The following PHF21B variants were observed in gnomAD, a reference collection of about 807,000 sequenced individuals.
The protein encoded by PHF21B is PHD finger protein 4.
Under a neutral mutation model 62.2 loss-of-function variants are expected in PHF21B, and 22 were observed. The observed-to-expected ratio is 0.35, with a 90% CI of 0.25 to 0.51. PHF21B has a LOEUF of 0.51. PHF21B is among the 20% of genes least tolerant of loss of function. PHF21B has a pLI of 0.97. For missense variants in PHF21B, 701 were observed against 707.9 expected, an observed-to-expected ratio of 0.99 and a Z score of 0.11; for synonymous variants, 341 against 314.7, an observed-to-expected ratio of 1.08 and a Z score of -0.88.
At chr22:44,931,893 ACCGTGGGC>A (rs2071750068) in intron 2 of PHF21B, among the ~76,000 whole-genome samples, 1 of 152,136 alleles carries the variant, frequency 6.6e-6, no homozygotes, top group Admixed American at 6.5e-5. Flanking sequence ...AATCCCTCCC[ACCGTGGGC>A]CCTGCTCTCA....
At chr22:44,891,540 A>G (rs6007370) in intron 7 of PHF21B, among the ~76,000 whole-genome samples, 180 bp from the exon 8 acceptor site, 22,113 of 152,090 alleles carry the variant, frequency 0.15, 2,396 homozygotes, top group African/African-American at 0.31. Context: ...AGCACGCAGG[A>G]ATGGCTGAGG....
chr22:44,988,219 C>T (rs1463467172), intron 2 of PHF21B, among the ~76,000 whole-genome samples: 1 of 152,220 alleles, frequency 6.6e-6, no homozygotes, highest in Non-Finnish European at 1.5e-5. Flanking sequence ...AATCCCAGCA[C>T]TTTGGGAGGC....
intron 5 of PHF21B, among the ~76,000 whole-genome samples, chr22:44,908,121 A>G (rs1459529399): frequency 1.3e-5 from 2 of 151,716 alleles, no homozygotes; most frequent in African/African-American, 2.4e-5. Flanking sequence ...GGTCCTGAGC[A>G]GTAGGTTCTG....
intron 2 of PHF21B, among the ~76,000 whole-genome samples, chr22:44,967,801 G>A (rs1326271219): frequency 1.3e-5 from 2 of 152,024 alleles, no homozygotes; most frequent in African/African-American, 4.8e-5. Context: ...TTTCATCATC[G>A]CTCTCCCCAG....
chr22:44,913,756 A>C lies in PHF21B; in HGVS notation c.831+66T>G. On this transcript the variant is annotated intron_variant, in intron 5 of 12. Transcript: ENST00000313237. The stretch of plus-strand genomic sequence containing the variant: ...CACAGTGAGGCCATCCCCGCTATAC[A>C]CAGCGGCCTCAGATGGCACCTGCAG... 3 of 1,542,992 alleles carry C rather than the reference A, an allele frequency of 1.9e-6. No homozygotes were observed. The South Asian group carries it at 3.8e-5, about 19-fold the overall frequency.
intron 5 of PHF21B, among the ~76,000 whole-genome samples, chr22:44,906,417 G>C (rs553138453): frequency 6.6e-6 from 1 of 152,356 alleles, no homozygotes; most frequent in South Asian, 2.1e-4. Context: ...AGACAGGAAG[G>C]AGGGCTGGGC....
intron 2 of PHF21B, among the ~76,000 whole-genome samples, chr22:44,924,082 G>C (rs2071588076): frequency 1.1e-5 from 1 of 94,954 alleles, no homozygotes; most frequent in Non-Finnish European, 2.4e-5. Context: ...GGAGGGAAGA[G>C]GGGAGGAAGG....
At chr22:44,894,894 G>A (rs1031393244) in intron 6 of PHF21B, among the ~76,000 whole-genome samples, 1 of 152,186 alleles carries the variant, frequency 6.6e-6, no homozygotes, top group Non-Finnish European at 1.5e-5. Context: ...CACTTGCCCC[G>A]GATGAGCTGT....
In PHF21B at chr22:44,902,999, G is replaced by C. The variant is rs149079640; in HGVS notation, c.832-6916C>G. Among the ~76,000 whole-genome samples, 437 of 152,244 alleles carry C rather than the reference G, an allele frequency of 2.9e-3. 8 individuals carry two copies. In the East Asian group the frequency reaches 0.051, roughly 18 times the overall value. On this transcript the variant is annotated intron_variant, in intron 5 of 12. Coordinates refer to ENST00000313237, the MANE Select transcript of PHF21B (RefSeq NM_138415.5). ...TCTTCGTCCCTCAGTGGGATTCTCT[G>C]GTTAACCACGCCTCCTCTGCCTCTC... is the stretch of plus-strand genomic sequence containing the variant.
At position 44,959,155 on chromosome 22, in the gene PHF21B, C is replaced by T. The variant is rs1029588135; in HGVS notation, c.121-38665G>A. Among the ~76,000 whole-genome samples the T allele has an allele frequency of 5.9e-5, 9 of 152,256 alleles. 1 individual carries two copies. On this transcript the variant is annotated intron_variant, in intron 2 of 12. Coordinates refer to ENST00000313237, the MANE Select transcript of PHF21B (RefSeq NM_138415.5). ...TTTGGTCTCTTCCTTGTTGGAAGCT[C>T]CCCTGGCATGTCCTGAGACTGCTGA... is the stretch of plus-strand genomic sequence containing the variant.
chr22:44,916,073 A>ATT (rs2071426143), intron 4 of PHF21B, among the ~76,000 whole-genome samples: 1 of 152,092 alleles, frequency 6.6e-6, no homozygotes, highest in Non-Finnish European at 1.5e-5. Context: ...TCATGCACTA[A>ATT]TTCACTCCCT....
intron 2 of PHF21B, chr22:44,933,410 C>G: frequency 1.1e-5 from 11 of 966,362 alleles, no homozygotes; most frequent in Non-Finnish European, 1.4e-5. Context: ...TGCGCTCGGC[C>G]TCTTCTATTT....
rs528268458 is a variant in PHF21B at position 44,905,907 on chromosome 22, C to A, written c.831+7915G>T. Among the ~76,000 whole-genome samples, 30 of 152,362 alleles carry A rather than the reference C, an allele frequency of 2.0e-4. 2 individuals carry two copies. In the South Asian group the frequency reaches 6.2e-3, roughly 32 times the overall value. The stretch of plus-strand genomic sequence containing the variant: ...CCTCCCGAAGTGCTGGGCACAATTT[C>A]TTTCTTTTTCTCTCCCTCACGCTTA... On this transcript the variant is annotated intron_variant, in intron 5 of 12. Coordinates refer to ENST00000313237, the MANE Select transcript of PHF21B (RefSeq NM_138415.5).
intron 10 of PHF21B, among the ~76,000 whole-genome samples, chr22:44,886,413 A>G (rs1160542423): frequency 6.7e-6 from 1 of 148,410 alleles, no homozygotes; most frequent in African/African-American, 2.5e-5. Context: ...AAAAAAAAAA[A>G]AAAAAAAGCT....
At position 44,998,538 on chromosome 22, in the gene PHF21B, T is replaced by C. The variant is rs1303893594; in HGVS notation, c.120+10007A>G. 3.9e-5 allele frequency among the ~76,000 whole-genome samples: 6 copies of C among 152,132 alleles called. No homozygotes were observed. In the East Asian group the frequency reaches 1.2e-3, roughly 29 times the overall value. The stretch of plus-strand genomic sequence containing the variant: ...TTGGCCGAGGTGCTCCCCTTGGTTC[T>C]CACATCCTATGCTTTTAGCTTCAGC... On this transcript the variant is annotated intron_variant, in intron 2 of 12. Transcript: ENST00000313237.
intron 2 of PHF21B, among the ~76,000 whole-genome samples, chr22:44,944,351 G>A (rs571121938): frequency 1.1e-4 from 17 of 152,278 alleles, no homozygotes; most frequent in African/African-American, 3.4e-4. Flanking sequence ...GGAGCTGGAC[G>A]CCTGTGCTGG....
chr22:44,914,501 A>C (rs925358302), intron 4 of PHF21B, among the ~76,000 whole-genome samples: 1 of 152,230 alleles, frequency 6.6e-6, no homozygotes, highest in African/African-American at 2.4e-5. Flanking sequence ...GGTGCAGATG[A>C]ACTGAGGCCA....
chr22:44,902,743 C>G (rs2071182542), intron 5 of PHF21B, among the ~76,000 whole-genome samples: 1 of 151,568 alleles, frequency 6.6e-6, no homozygotes. Context: ...AAAATCACAG[C>G]AGGATATCAA....
chr22:44,887,456 T>G (rs986802790), intron 10 of PHF21B, among the ~76,000 whole-genome samples: 3 of 152,126 alleles, frequency 2.0e-5, no homozygotes, highest in African/African-American at 7.2e-5. Flanking sequence ...TGGCGGAATA[T>G]CTCACTGAGT....
Sources: gnomAD v4.1 joint callset for allele counts (sites outside exome capture counted in the v4.1 genomes callset) on GRCh38, gnomAD v4.1.1 for gene constraint, MANE v1.5 for transcripts, NCBI Gene and HGNC (gene_info 2026-07-23, HGNC 2026-07-21) for gene names.